Variants in AGBL1 observed in about 807,000 individuals in gnomAD.
The protein encoded by AGBL1 is AGBL carboxypeptidase 1, also known as cytosolic carboxypeptidase 4.
In AGBL1, 130 loss-of-function variants were observed where a neutral mutation model predicts 118.9. That is an observed-to-expected ratio of 1.09 (90% CI 0.95 to 1.26). AGBL1 has a LOEUF of 1.26. AGBL1 is among the 50% of genes most tolerant of loss of function. The pLI, the probability that AGBL1 is intolerant of heterozygous loss-of-function variation, is 0.00. For synonymous variants in AGBL1, 555 were observed against 478.9 expected (o/e 1.16, Z -2.08); for missense variants, 1,584 against 1,298.1 (o/e 1.22, Z -3.38).
rs1159317811 is a variant in AGBL1, at chr15:87,017,217, G to GAGAC, written c.3324-11606_3324-11605insACAG. The stretch of plus-strand genomic sequence containing the variant: ...GCTTTTCCAGCCTGCCAACTCTGGA[G>GAGAC]AGTCTGGACAGTCCAGATGAGGAAG... On this transcript the variant is annotated intron_variant, in intron 24 of 24. Transcript: ENST00000441037. 1.4e-3 allele frequency among the ~76,000 whole-genome samples: 217 copies of GAGAC among 152,210 alleles called. 1 individual carries two copies. Among genetic ancestry groups the GAGAC allele is most frequent in the African/African-American group, 5.0e-3 (209 of 41,556 alleles).
Position 86,201,972 on chromosome 15 carries a change from T to C in AGBL1, c.489-22942T>C, listed in dbSNP as rs116557117. Among the ~76,000 whole-genome samples the C allele has an allele frequency of 2.9e-3, 437 of 152,106 alleles. 4 individuals carry two copies. The highest frequency in any genetic ancestry group is 0.01 in the African/African-American group (420 of 41,510). On this transcript the variant is annotated intron_variant, in intron 5 of 22. Transcript: ENST00000614907. ...ATTTGAGTTCATCCATTTAACCAAT[T>C]AGGAAAGTTCAGCAACAAGTAAACC... is the stretch of plus-strand genomic sequence containing the variant.
chr15:86,749,276 T>C (rs2077808959), intron 22 of AGBL1, among the ~76,000 whole-genome samples: 2 of 152,172 alleles, frequency 1.3e-5, no homozygotes, highest in African/African-American at 4.8e-5. Context: ...GAAGCAGTTG[T>C]GAATGGGAGG....
At chr15:86,149,110 A>T (rs550988544) in intron 3 of AGBL1, among the ~76,000 whole-genome samples, 1 of 152,350 alleles carries the variant, frequency 6.6e-6, no homozygotes, top group South Asian at 2.1e-4. Context: ...CCTGCCTTAC[A>T]AGAGCTCCTG....
chr15:86,295,116 T>A (rs773399579), intron 16 of AGBL1, 139 bp from the exon 17 acceptor site: 11 of 961,810 alleles, frequency 1.1e-5, no homozygotes, highest in Admixed American at 4.8e-5. Flanking sequence ...CCCCTTTTAA[T>A]CACTCAAGGC....
At chr15:86,462,659 C>T (rs1395132433) in intron 18 of AGBL1, among the ~76,000 whole-genome samples, 1 of 152,122 alleles carries the variant, frequency 6.6e-6, no homozygotes, top group East Asian at 1.9e-4. Flanking sequence ...TGTTCAACTC[C>T]TACTTATCAG....
chr15:86,271,513 A>G, intron 14 of AGBL1, 106 bp from the exon 15 acceptor site: 1 of 853,098 alleles, frequency 1.2e-6, no homozygotes, highest in African/African-American at 1.7e-5. Context: ...TATAGTTAAC[A>G]GTCACAGTTT....
chr15:86,954,962 A>G (rs911517970), intron 23 of AGBL1, among the ~76,000 whole-genome samples: 13 of 152,132 alleles, frequency 8.5e-5, no homozygotes, highest in Admixed American at 4.6e-4. Context: ...CTTTACTTAT[A>G]TATCTTTAAC....
At chr15:86,493,980 G>A (rs1270611612) in intron 18 of AGBL1, among the ~76,000 whole-genome samples, 2 of 151,534 alleles carry the variant, frequency 1.3e-5, no homozygotes, top group South Asian at 2.1e-4. Context: ...TCCTTTTCTG[G>A]AGCCACAAAT....
At chr15:86,212,894 C>A (rs1420142821) in intron 5 of AGBL1, among the ~76,000 whole-genome samples, 1 of 152,320 alleles carries the variant, frequency 6.6e-6, no homozygotes, top group African/African-American at 2.4e-5. Context: ...AGGTGATCCA[C>A]CCGCCTCGGC....
chr15:86,515,394 CAT>C (rs2083107784), intron 18 of AGBL1, among the ~76,000 whole-genome samples: 1 of 152,068 alleles, frequency 6.6e-6, no homozygotes, highest in Non-Finnish European at 1.5e-5. Flanking sequence ...TATATACACA[CAT>C]ACACGCACAG....
At chr15:86,801,937 G>A (rs1462572442) in intron 22 of AGBL1, among the ~76,000 whole-genome samples, 1 of 152,126 alleles carries the variant, frequency 6.6e-6, no homozygotes, top group Non-Finnish European at 1.5e-5. Flanking sequence ...CTAAAGATGA[G>A]AAATGATCAA....
chr15:86,400,632 C>G (rs2081430862), intron 18 of AGBL1, among the ~76,000 whole-genome samples: 1 of 148,702 alleles, frequency 6.7e-6, no homozygotes, highest in Non-Finnish European at 1.5e-5. Flanking sequence ...CACAAGTCCC[C>G]AAAGTCCAGT....
At chr15:86,648,347 G>C (rs1020532017) in intron 21 of AGBL1, among the ~76,000 whole-genome samples, 1 of 152,154 alleles carries the variant, frequency 6.6e-6, no homozygotes, top group Non-Finnish European at 1.5e-5. Context: ...AATATATGTT[G>C]AAGGCAGAGC....
chr15:86,860,221 T>C (rs540137142), intron 22 of AGBL1, among the ~76,000 whole-genome samples: 3 of 152,164 alleles, frequency 2.0e-5, no homozygotes, highest in Admixed American at 2.0e-4. Flanking sequence ...CCCTGTACCA[T>C]GTTTTAGGAT....
intron 5 of AGBL1, among the ~76,000 whole-genome samples, chr15:86,210,549 T>G (rs1438060858): frequency 1.3e-5 from 2 of 152,238 alleles, no homozygotes; most frequent in Non-Finnish European, 2.9e-5. Context: ...CTCCTCTTGC[T>G]TTAGTTCATT....
chr15:86,607,374 T>C (rs947694932), intron 21 of AGBL1, among the ~76,000 whole-genome samples: 2 of 152,246 alleles, frequency 1.3e-5, no homozygotes, highest in African/African-American at 4.8e-5. Context: ...GAATGAATGC[T>C]TTAAACATTT....
chr15:86,331,571 C>T (rs2080269416), intron 17 of AGBL1, among the ~76,000 whole-genome samples: 3 of 152,178 alleles, frequency 2.0e-5, no homozygotes, highest in Admixed American at 1.3e-4. Context: ...AGATTGCATA[C>T]ATAGGGAACC....
intron 5 of AGBL1, among the ~76,000 whole-genome samples, chr15:86,208,733 G>T (rs190254244): frequency 2.6e-5 from 4 of 152,160 alleles, no homozygotes; most frequent in South Asian, 4.1e-4. Flanking sequence ...AGTCTTGCTA[G>T]TAGTCTATCA....
intron 22 of AGBL1, among the ~76,000 whole-genome samples, chr15:86,756,389 G>A (rs2077940737): frequency 6.6e-6 from 1 of 151,874 alleles, no homozygotes; most frequent in Admixed American, 6.6e-5. Context: ...CATGTGCTGG[G>A]GATTGGGGAC....
Sources: allele counts gnomAD v4.1 joint callset (sites outside exome capture counted in the v4.1 genomes callset), GRCh38; gene constraint gnomAD v4.1.1; transcripts MANE v1.5; gene names NCBI Gene and HGNC (gene_info 2026-07-23, HGNC 2026-07-21).